SLCO5A1: variants seen among roughly 807,000 people sequenced by gnomAD.
SLCO5A1 encodes the protein organic anion transporter polypeptide-related protein 4.
SLCO5A1 carries 39 observed loss-of-function variants against 65.1 expected under a neutral mutation model. That is an observed-to-expected ratio of 0.60 (90% CI 0.46 to 0.78). The LOEUF (loss-of-function observed/expected upper bound fraction) is 0.78. Among genes scored for constraint, SLCO5A1 ranks in the 30% least tolerant of loss-of-function variants. The pLI is 0.00. For missense variants in SLCO5A1, 1,029 were observed against 1,069.4 expected, an observed-to-expected ratio of 0.96 and a Z score of 0.53; for synonymous variants, 438 against 415.7, an observed-to-expected ratio of 1.05 and a Z score of -0.65.
intron 5 of SLCO5A1, among the ~76,000 whole-genome samples, chr8:69,709,397 A>C (rs951490791): frequency 6.2e-4 from 95 of 152,360 alleles, no homozygotes; most frequent in African/African-American, 2.2e-3. Context: ...TTAGCCCTGA[A>C]TAGGGGGAGA....
intron 2 of SLCO5A1, among the ~76,000 whole-genome samples, chr8:69,819,906 T>C (rs1820564524): frequency 1.3e-5 from 2 of 152,142 alleles, no homozygotes; most frequent in African/African-American, 4.8e-5. Flanking sequence ...GAGGTTGCAG[T>C]GAGCCAAGAT....
chr8:69,703,596 G>A (rs371583132), intron 6 of SLCO5A1, among the ~76,000 whole-genome samples: 1 of 152,126 alleles, frequency 6.6e-6, no homozygotes, highest in Non-Finnish European at 1.5e-5. Context: ...AATACAAAGT[G>A]GAATACAATG....
At position 69,834,476 on chromosome 8, in the gene SLCO5A1, C is replaced by A. The variant is rs559455514; in HGVS notation, c.-497+378G>T. Among the ~76,000 whole-genome samples, 4 of 152,316 alleles carry A rather than the reference C, an allele frequency of 2.6e-5. No homozygotes were observed. The South Asian group carries it at 8.3e-4, about 32-fold the overall frequency. ...CGCTCCCAGATTCCCGGCCTGCCAGCCACTCACAATCCCGGGCTTCCCCGC... is the reference window on the plus strand; with the variant it reads ...CGCTCCCAGATTCCCGGCCTGCCAGACACTCACAATCCCGGGCTTCCCCGC... On this transcript the variant is annotated intron_variant, in intron 1 of 9. Coordinates refer to ENST00000260126, the MANE Select transcript of SLCO5A1 (RefSeq NM_030958.3).
At chr8:69,811,167 G>A (rs1197830728) in intron 2 of SLCO5A1, among the ~76,000 whole-genome samples, 1 of 152,144 alleles carries the variant, frequency 6.6e-6, no homozygotes, top group Non-Finnish European at 1.5e-5. Context: ...ACCAGATCTT[G>A]CTGGTTGGAG....
intron 2 of SLCO5A1, among the ~76,000 whole-genome samples, chr8:69,791,142 G>A (rs1586804012): frequency 6.6e-6 from 1 of 152,178 alleles, no homozygotes; most frequent in East Asian, 1.9e-4. Flanking sequence ...TCTTGTAACT[G>A]TCCCTCTGTT....
chr8:69,755,383 C>A (rs1817493983), intron 4 of SLCO5A1, 41 bp downstream of exon 4: 2 of 1,556,928 alleles, frequency 1.3e-6, no homozygotes, highest in South Asian at 1.1e-5. Flanking sequence ...TAGCACTGAT[C>A]AAAGTGCCAT....
intron 2 of SLCO5A1, among the ~76,000 whole-genome samples, chr8:69,764,672 G>A (rs1817970944): frequency 6.6e-6 from 1 of 152,114 alleles, no homozygotes; most frequent in Admixed American, 6.6e-5. Flanking sequence ...CTCAAGAATA[G>A]AAAGTACTTT....
intron 2 of SLCO5A1, among the ~76,000 whole-genome samples, chr8:69,784,384 C>T (rs1337894791): frequency 6.6e-6 from 1 of 152,062 alleles, no homozygotes; most frequent in East Asian, 1.9e-4. Flanking sequence ...AAAGACTGAC[C>T]ATATCAAGTA....
intron 5 of SLCO5A1, among the ~76,000 whole-genome samples, chr8:69,721,854 AT>A (rs776441276): frequency 2.0e-5 from 3 of 152,196 alleles, no homozygotes; most frequent in Non-Finnish European, 4.4e-5. Context: ...CACCAAAAAA[AT>A]AAGTGCTATG....
At chr8:69,824,483 A>G (rs1820783334) in intron 2 of SLCO5A1, among the ~76,000 whole-genome samples, 1 of 152,244 alleles carries the variant, frequency 6.6e-6, no homozygotes, top group African/African-American at 2.4e-5. Context: ...CTACCATCAG[A>G]GAATACTACA....
At chr8:69,673,819 A>G (rs1271323047) in intron 9 of SLCO5A1, among the ~76,000 whole-genome samples, 5 of 152,222 alleles carry the variant, frequency 3.3e-5, no homozygotes. Context: ...CGAGAAAAGC[A>G]GCATCTCCTA....
intron 5 of SLCO5A1, among the ~76,000 whole-genome samples, chr8:69,708,867 A>G (rs1443154899): frequency 6.6e-6 from 1 of 152,186 alleles, no homozygotes; most frequent in Admixed American, 6.5e-5. Context: ...AGACTGCATC[A>G]CTGCACTCCA....
At chr8:69,784,826 A>AGAAG (rs1491577159) in intron 2 of SLCO5A1, among the ~76,000 whole-genome samples, 29 of 137,534 alleles carry the variant, frequency 2.1e-4, no homozygotes, top group African/African-American at 7.2e-4. Flanking sequence ...AAAGAAAGAA[A>AGAAG]GAAAGAAAGA....
chr8:69,672,894 G>A lies in SLCO5A1; in HGVS notation c.2522C>T (p.Pro841Leu), dbSNP rs1190848709. The A allele has an allele frequency of 1.9e-6, 3 of 1,612,524 alleles. No individual in the cohort carries two copies. Among genetic ancestry groups the A allele is most frequent in the Non-Finnish European group, 2.5e-6 (3 of 1,178,652 alleles). Reference protein sequence around the residue: ...SSADPGLEESPAALEPPS With the variant: ...SSADPGLEESLAALEPPS ...TCAGGAGGGCGGCTCCAAGGCAGCG[G>A]GGCTCTCTTCCAGCCCCGGGTCCGC... Residue 841 changes from proline to leucine, a missense_variant, in exon 10 of 10, where the codon CCC becomes CTC. Pro to Leu is a moderately conservative substitution (Grantham distance 98, BLOSUM62 -3). Transcript: ENST00000260126.
chr8:69,783,665 A>C (rs1272474243), intron 2 of SLCO5A1, among the ~76,000 whole-genome samples: 2 of 152,190 alleles, frequency 1.3e-5, no homozygotes, highest in African/African-American at 4.8e-5. Context: ...GGAATTACCC[A>C]AAACACCCCA....
At chr8:69,711,961 A>G (rs770788545) in intron 5 of SLCO5A1, among the ~76,000 whole-genome samples, 3 of 152,228 alleles carry the variant, frequency 2.0e-5, no homozygotes, top group South Asian at 2.1e-4. Flanking sequence ...AAATTCCTAT[A>G]TGCTATTTAA....
intron 3 of SLCO5A1, 132 bp downstream of exon 3, chr8:69,761,611 C>T: frequency 1.1e-6 from 1 of 885,256 alleles, no homozygotes; most frequent in Non-Finnish European, 1.7e-6. Context: ...ATTAACCTGC[C>T]TGTCACCCCT....
In SLCO5A1 at chr8:69,748,846, G is replaced by A. The variant is rs755862105; in HGVS notation, c.1258+6578C>T. ...ACTGAATCGGAGACTGTGGACTGGG[G>A]CCTAAAGACCTGGGTTTTAGGGAGC... On this transcript the variant is annotated intron_variant, in intron 4 of 9. Coordinates refer to ENST00000260126, the MANE Select transcript of SLCO5A1 (RefSeq NM_030958.3). Among the ~76,000 whole-genome samples, 31 of 152,148 alleles carry A rather than the reference G, an allele frequency of 2.0e-4. 1 individual carries two copies. Among genetic ancestry groups the A allele is most frequent in the Non-Finnish European group, 4.4e-4 (30 of 68,030 alleles).
rs201182567 is a variant in SLCO5A1, at chr8:69,762,597, A to AT, written c.908-723dup. On this transcript the variant is annotated intron_variant, in intron 2 of 9. Transcript: ENST00000260126. The stretch of plus-strand genomic sequence containing the variant: ...GCAGTCACTGAATAACCAAGAGAAG[A>AT]TTTTTTTTATGTCTAAGATAAGGAA... 5.9e-3 allele frequency among the ~76,000 whole-genome samples: 902 copies of AT among 151,880 alleles called. 3 individuals are homozygous for AT. Among genetic ancestry groups the AT allele is most frequent in the Non-Finnish European group, 9.1e-3 (618 of 67,956 alleles).
Sources: gnomAD v4.1 joint callset for allele counts (sites outside exome capture counted in the v4.1 genomes callset) on GRCh38, gnomAD v4.1.1 for gene constraint, MANE v1.5 for transcripts, NCBI Gene and HGNC (gene_info 2026-07-23, HGNC 2026-07-21) for gene names.